The following OPCML variants were observed in gnomAD, a reference collection of about 807,000 sequenced individuals.
The protein encoded by OPCML is opioid binding protein/cell adhesion molecule like.
A neutral mutation model predicts 37.8 loss-of-function variants in OPCML; 13 were observed. The observed-to-expected ratio is 0.34, with a 90% confidence interval of 0.22 to 0.55. OPCML has a LOEUF of 0.55. OPCML is among the 20% of genes least tolerant of loss of function. OPCML has a pLI of 0.91. For synonymous variants in OPCML, 176 were observed against 168.8 expected (o/e 1.04, Z -0.33); for missense variants, 341 against 435.6 (o/e 0.78, Z 1.93).
At chr11:132,662,225 A>AT (rs1317399306) in intron 2 of OPCML, among the ~76,000 whole-genome samples, 1 of 152,162 alleles carries the variant, frequency 6.6e-6, no homozygotes, top group Non-Finnish European at 1.5e-5. Flanking sequence ...AAGAATGTGC[A>AT]TTTTCAACAA....
chr11:133,197,336 G>T (rs1287316676), intron 1 of OPCML, among the ~76,000 whole-genome samples: 2 of 152,158 alleles, frequency 1.3e-5, no homozygotes, highest in Admixed American at 6.5e-5. Context: ...TCTAAGAAAG[G>T]ATCAATTCTT....
chr11:133,126,870 G>A (rs1250679089), intron 1 of OPCML, among the ~76,000 whole-genome samples: 3 of 152,156 alleles, frequency 2.0e-5, no homozygotes, highest in Admixed American at 6.5e-5. Context: ...CAATGGAAAA[G>A]GTGCATGTCA....
At chr11:133,158,712 A>AT (rs1555105904) in intron 1 of OPCML, among the ~76,000 whole-genome samples, 1,450 of 134,246 alleles carry the variant, frequency 0.011, 33 homozygotes, top group African/African-American at 0.041. Flanking sequence ...ATAAAATTAA[A>AT]AAAATAAAAT....
At chr11:133,078,889 G>A (rs1948666226) in intron 1 of OPCML, among the ~76,000 whole-genome samples, 2 of 152,110 alleles carry the variant, frequency 1.3e-5, no homozygotes, top group African/African-American at 2.4e-5. Context: ...TTCTTTTACT[G>A]CTTGAGAAAT....
intron 2 of OPCML, among the ~76,000 whole-genome samples, chr11:132,902,551 A>C (rs1349657339): frequency 6.6e-6 from 1 of 152,152 alleles, no homozygotes; most frequent in Non-Finnish European, 1.5e-5. Flanking sequence ...AAAAACAAGA[A>C]TTCAGAAGGA....
intron 2 of OPCML, among the ~76,000 whole-genome samples, chr11:132,885,864 A>G (rs80090077): frequency 0.029 from 4,481 of 152,244 alleles, 203 homozygotes; most frequent in African/African-American, 0.1. Context: ...CATTCCCCCT[A>G]TCCAGTTAAC....
At chr11:132,648,511 TTC>T (rs921716670) in intron 3 of OPCML, among the ~76,000 whole-genome samples, 1 of 151,538 alleles carries the variant, frequency 6.6e-6, no homozygotes, top group African/African-American at 2.4e-5. Context: ...GCCCTGACAC[TTC>T]TCTCTGTCTT....
intron 2 of OPCML, among the ~76,000 whole-genome samples, chr11:132,738,329 G>C (rs1438929395): frequency 6.6e-6 from 1 of 152,172 alleles, no homozygotes; most frequent in African/African-American, 2.4e-5. Flanking sequence ...GTGCCAGAAA[G>C]TTTTACAAGC....
At chr11:132,760,234 A>G (rs1244736228) in intron 2 of OPCML, among the ~76,000 whole-genome samples, 3 of 152,160 alleles carry the variant, frequency 2.0e-5, no homozygotes, top group African/African-American at 7.2e-5. Flanking sequence ...GGTGAATTTT[A>G]GAAGAAGTGC....
At chr11:133,326,310 TGTATAA>T (rs1565573197) in intron 1 of OPCML, among the ~76,000 whole-genome samples, 14 of 37,912 alleles carry the variant, frequency 3.7e-4, no homozygotes, top group African/African-American at 2.8e-3. Context: ...GGTGTGGGTA[TGTATAA>T]GTGTGTGGGG....
intron 1 of OPCML, among the ~76,000 whole-genome samples, chr11:133,038,167 G>T (rs12295256): frequency 0.014 from 2,104 of 152,324 alleles, 20 homozygotes; most frequent in Non-Finnish European, 0.022. Context: ...AGAGCTCTGG[G>T]TGCAGACTTA....
At chr11:133,424,422 A>G (rs971328228) in intron 1 of OPCML, among the ~76,000 whole-genome samples, 5 of 152,202 alleles carry the variant, frequency 3.3e-5, no homozygotes, top group Non-Finnish European at 7.3e-5. Flanking sequence ...CCCTGAGATA[A>G]CCACTTATAA....
chr11:133,023,588 C>A (rs549290643), intron 1 of OPCML, among the ~76,000 whole-genome samples: 2 of 152,120 alleles, frequency 1.3e-5, no homozygotes. Context: ...ATCTAGGCTC[C>A]GCTGGAGCTG....
intron 2 of OPCML, among the ~76,000 whole-genome samples, chr11:132,835,306 C>T (rs10791257): frequency 6.6e-6 from 1 of 152,020 alleles, no homozygotes; most frequent in African/African-American, 2.4e-5. Context: ...TTAGTACAAA[C>T]GAAGTGAGAA....
At chr11:133,383,075 C>T (rs907583189) in intron 1 of OPCML, among the ~76,000 whole-genome samples, 11 of 152,182 alleles carry the variant, frequency 7.2e-5, no homozygotes, top group Admixed American at 7.2e-4. Context: ...GTTAATAACA[C>T]CAACATCCTC....
Position 132,709,022 on chromosome 11 carries a change from G to A in OPCML, c.147-51703C>T, listed in dbSNP as rs191429200. On this transcript the variant is annotated intron_variant, in intron 2 of 7. Coordinates refer to ENST00000524381, the MANE Select transcript of OPCML (RefSeq NM_001012393.5). ...ACTTTCTTTAAAAGAAGAAAGGCAGGTATTTAATAAACTTAAAGGGAATTT... is the reference window on the plus strand; with the variant it reads ...ACTTTCTTTAAAAGAAGAAAGGCAGATATTTAATAAACTTAAAGGGAATTT... Among the ~76,000 whole-genome samples, 734 of 152,206 alleles carry A rather than the reference G, an allele frequency of 4.8e-3. 8 individuals carry two copies. The highest frequency in any genetic ancestry group is 0.017 in the African/African-American group (691 of 41,516).
chr11:133,440,659 A>C (rs1229318951), intron 1 of OPCML, among the ~76,000 whole-genome samples: 1 of 149,986 alleles, frequency 6.7e-6, no homozygotes, highest in East Asian at 2.0e-4. Context: ...CCCAGGAGGC[A>C]GAGGTTGCAA....
intron 2 of OPCML, among the ~76,000 whole-genome samples, chr11:132,941,805 C>A (rs1232457926): frequency 6.6e-6 from 1 of 152,182 alleles, no homozygotes; most frequent in East Asian, 1.9e-4. Flanking sequence ...CACCCTTGGG[C>A]TTAGAAAAAG....
chr11:132,731,042 A>G (rs1441176410), intron 2 of OPCML, among the ~76,000 whole-genome samples: 1 of 152,228 alleles, frequency 6.6e-6, no homozygotes, highest in African/African-American at 2.4e-5. Flanking sequence ...AGAGCTGTGC[A>G]GTTCAGGAGA....
Sources: gnomAD v4.1 joint callset for allele counts (sites outside exome capture counted in the v4.1 genomes callset) on GRCh38, gnomAD v4.1.1 for gene constraint, MANE v1.5 for transcripts, NCBI Gene and HGNC (gene_info 2026-07-23, HGNC 2026-07-21) for gene names.